USO1: variants seen among roughly 807,000 people sequenced by gnomAD.
USO1 encodes USO1 vesicle transport factor.
A neutral mutation model predicts 124.5 loss-of-function variants in USO1; 57 were observed. The ratio of observed to expected loss-of-function variants is 0.46; its 90% confidence interval spans 0.37 to 0.57. The LOEUF (loss-of-function observed/expected upper bound fraction) is 0.57, where lower values mean the gene tolerates loss of function less well. Among genes scored for constraint, USO1 ranks in the 20% least tolerant of loss-of-function variants. The probability of loss-of-function intolerance (pLI) is 0.00; values close to 1 mark genes in which losing one functional copy is unlikely to be tolerated. For missense variants in USO1, 900 were observed against 1,040.6 expected (o/e 0.86, Z 1.86); for synonymous variants, 369 against 362.8 (o/e 1.02, Z -0.19).
chr4:75,752,118 C>A (rs1721311214), intron 1 of USO1, among the ~76,000 whole-genome samples: 1 of 152,142 alleles, frequency 6.6e-6, no homozygotes, highest in African/African-American at 2.4e-5. Flanking sequence ...CCAATTATTT[C>A]TTTTAATTCC....
chr4:75,770,598 G>A, intron 5 of USO1, 59 bp downstream of exon 5: 1 of 1,514,630 alleles, frequency 6.6e-7, no homozygotes, highest in South Asian at 1.3e-5. Context: ...TTGCCTTTTG[G>A]ATGTTATTGA....
intron 14 of USO1, 145 bp from the exon 15 acceptor site, chr4:75,800,206 A>C (rs1034182763): frequency 1.0e-6 from 1 of 966,700 alleles, no homozygotes; most frequent in Non-Finnish European, 1.4e-6. Flanking sequence ...CAAAGTGCTG[A>C]GATTACAGGC....
At chr4:75,732,151 C>G (rs1054945278) in intron 1 of USO1, among the ~76,000 whole-genome samples, 2 of 151,860 alleles carry the variant, frequency 1.3e-5, no homozygotes, top group Non-Finnish European at 2.9e-5. Context: ...TAACTCTCGC[C>G]CCCTCTCCCA....
At chr4:75,732,861 G>A (rs1457020125) in intron 1 of USO1, among the ~76,000 whole-genome samples, 8 of 94,332 alleles carry the variant, frequency 8.5e-5, no homozygotes, top group Non-Finnish European at 1.5e-4. Flanking sequence ...CCTGGCGACA[G>A]AGCGAGATTC....
chr4:75,789,347 G>A (rs1023260263), intron 10 of USO1, among the ~76,000 whole-genome samples: 4 of 151,996 alleles, frequency 2.6e-5, no homozygotes, highest in South Asian at 4.1e-4. Flanking sequence ...GCACTATTTC[G>A]GCTTACTTCA....
At chr4:75,773,792 G>A (rs1376378205) in intron 7 of USO1, among the ~76,000 whole-genome samples, 1 of 152,148 alleles carries the variant, frequency 6.6e-6, no homozygotes, top group Non-Finnish European at 1.5e-5. Context: ...TAAAGTCATA[G>A]GCATTTTTTG....
intron 20 of USO1, among the ~76,000 whole-genome samples, chr4:75,808,187 T>G (rs894206515): frequency 2.0e-5 from 3 of 152,156 alleles, no homozygotes; most frequent in African/African-American, 7.2e-5. Flanking sequence ...GTACTTTTTT[T>G]GGGGGAGGAG....
At chr4:75,778,450 T>C (rs1411792086) in intron 8 of USO1, among the ~76,000 whole-genome samples, 1 of 152,182 alleles carries the variant, frequency 6.6e-6, no homozygotes, top group Admixed American at 6.6e-5. Flanking sequence ...GGATTGGTCT[T>C]GCTGTTTCAG....
At chr4:75,788,969 T>C (rs1301299519) in intron 10 of USO1, among the ~76,000 whole-genome samples, 1 of 152,242 alleles carries the variant, frequency 6.6e-6, no homozygotes, top group Non-Finnish European at 1.5e-5. Flanking sequence ...AATTCAGGGT[T>C]GGAAATCACT....
At chr4:75,772,389 A>T (rs1721956715) in intron 7 of USO1, among the ~76,000 whole-genome samples, 1 of 151,920 alleles carries the variant, frequency 6.6e-6, no homozygotes, top group Admixed American at 6.6e-5. Flanking sequence ...GGCATGTGAC[A>T]TCACCCCCAG....
At chr4:75,776,090 A>G (rs1722066371) in intron 8 of USO1, among the ~76,000 whole-genome samples, 1 of 152,194 alleles carries the variant, frequency 6.6e-6, no homozygotes, top group Non-Finnish European at 1.5e-5. Context: ...GATAGTGACT[A>G]TGAATTTGTT....
intron 20 of USO1, among the ~76,000 whole-genome samples, 198 bp from the exon 21 acceptor site, chr4:75,808,755 T>A (rs976063501): frequency 7.2e-6 from 1 of 139,684 alleles, no homozygotes; most frequent in Non-Finnish European, 1.6e-5. Flanking sequence ...TTTTTTTGCA[T>A]GGGATTTCAG....
chr4:75,800,832 G>A, intron 16 of USO1, 33 bp downstream of exon 16: 1 of 1,588,024 alleles, frequency 6.3e-7, no homozygotes, highest in Non-Finnish European at 8.6e-7. Context: ...ATATTTGATG[G>A]AAAGTAATTA....
chr4:75,767,596 T>C (rs1721801264), intron 4 of USO1: 1 of 282,548 alleles, frequency 3.5e-6, no homozygotes. Context: ...TAGAAAAAAT[T>C]AGCCGGGCGT....
chr4:75,732,627 C>T (rs1455331759), intron 1 of USO1, among the ~76,000 whole-genome samples: 2 of 151,938 alleles, frequency 1.3e-5, no homozygotes, highest in Non-Finnish European at 2.9e-5. Flanking sequence ...GCCTGTAATC[C>T]CAGCACTTTG....
intron 12 of USO1, among the ~76,000 whole-genome samples, chr4:75,791,327 C>T (rs1160437622): frequency 1.3e-5 from 2 of 152,126 alleles, no homozygotes; most frequent in East Asian, 3.9e-4. Context: ...AGTTCGAGAC[C>T]AGCCTAGCCA....
At chr4:75,795,479 T>C (rs1056182493) in intron 13 of USO1, 7 of 653,684 alleles carry the variant, frequency 1.1e-5, no homozygotes, top group African/African-American at 7.3e-5. Context: ...ACTCACACTT[T>C]TGCGTGTCAG....
At chr4:75,797,069 G>T (rs1413050865) in intron 13 of USO1, among the ~76,000 whole-genome samples, 1 of 151,908 alleles carries the variant, frequency 6.6e-6, no homozygotes, top group Non-Finnish European at 1.5e-5. Context: ...TAACACTTTG[G>T]AAGCTGAGGT....
intron 10 of USO1, 91 bp from the exon 11 acceptor site, chr4:75,790,054 AAAAAC>A (rs1298539457): frequency 7.5e-7 from 1 of 1,336,282 alleles, no homozygotes; most frequent in Non-Finnish European, 9.8e-7. Context: ...TAATAAAAAA[AAAAAC>A]AAAAAAAAAA....
Sources: gnomAD v4.1 joint callset for allele counts (sites outside exome capture counted in the v4.1 genomes callset) on GRCh38, gnomAD v4.1.1 for gene constraint, MANE v1.5 for transcripts, NCBI Gene and HGNC (gene_info 2026-07-23, HGNC 2026-07-21) for gene names.